HS3ST5: variants seen among roughly 807,000 people sequenced by gnomAD.
HS3ST5 encodes the protein heparan sulfate-glucosamine 3-sulfotransferase 5.
HS3ST5 carries 10 observed loss-of-function variants against 25.4 expected under a neutral mutation model. The ratio of observed to expected loss-of-function variants is 0.39; its 90% CI spans 0.24 to 0.67. The LOEUF (loss-of-function observed/expected upper bound fraction) is 0.67, where lower values mean the gene tolerates loss of function less well. Among genes scored for constraint, HS3ST5 ranks in the 30% least tolerant of loss-of-function variants. The pLI, the probability that HS3ST5 is intolerant of heterozygous loss-of-function variation, is 0.44. For missense variants in HS3ST5, 324 were observed against 420.7 expected (o/e 0.77, Z 2.01); for synonymous variants, 170 against 162.4 (o/e 1.05, Z -0.36).
chr6:114,304,419 G>A (rs1019804214), intron 1 of HS3ST5, among the ~76,000 whole-genome samples: 3 of 152,078 alleles, frequency 2.0e-5, no homozygotes, highest in Admixed American at 1.3e-4. Flanking sequence ...TAAGTGCTGT[G>A]ATTCTAGAAC....
intron 3 of HS3ST5, among the ~76,000 whole-genome samples, chr6:114,163,706 A>G (rs1779080030): frequency 6.6e-6 from 1 of 152,188 alleles, no homozygotes; most frequent in African/African-American, 2.4e-5. Flanking sequence ...AAGGTCTCTA[A>G]GGCAGCTAAC....
intron 1 of HS3ST5, among the ~76,000 whole-genome samples, chr6:114,254,351 T>C (rs183603758): frequency 6.3e-4 from 96 of 152,368 alleles, no homozygotes; most frequent in Middle Eastern, 3.4e-3. Context: ...ATAGTATTAA[T>C]ATAATCTGTT....
chr6:114,243,660 A>T (rs1297982364), intron 1 of HS3ST5, among the ~76,000 whole-genome samples: 1 of 152,198 alleles, frequency 6.6e-6, no homozygotes. Flanking sequence ...CTGTTGACAT[A>T]TGTCCCCAAT....
chr6:114,306,256 T>TATATATGG (rs756494412), intron 1 of HS3ST5, among the ~76,000 whole-genome samples: 2 of 115,406 alleles, frequency 1.7e-5, no homozygotes, highest in Admixed American at 1.9e-4. Context: ...TATATATATA[T>TATATATGG]ACACACACAC....
At chr6:114,143,363 G>A (rs755264281) in intron 3 of HS3ST5, among the ~76,000 whole-genome samples, 4 of 152,130 alleles carry the variant, frequency 2.6e-5, no homozygotes, top group Non-Finnish European at 4.4e-5. Context: ...CACATATGTC[G>A]TGTTCAGTGG....
intron 1 of HS3ST5, among the ~76,000 whole-genome samples, chr6:114,304,099 G>A (rs954387595): frequency 6.6e-6 from 1 of 152,034 alleles, no homozygotes; most frequent in African/African-American, 2.4e-5. Flanking sequence ...GATGTCAGAA[G>A]TATTTCTGAC....
At chr6:114,215,378 G>T (rs1192528884) in intron 2 of HS3ST5, among the ~76,000 whole-genome samples, 1 of 152,020 alleles carries the variant, frequency 6.6e-6, no homozygotes, top group Non-Finnish European at 1.5e-5. Flanking sequence ...TTCTTGCATG[G>T]GACCCCGAAC....
chr6:114,287,126 T>G (rs1404623501), intron 1 of HS3ST5, among the ~76,000 whole-genome samples: 1 of 151,888 alleles, frequency 6.6e-6, no homozygotes, highest in Non-Finnish European at 1.5e-5. Context: ...ATACAGACAA[T>G]TATAAATAAG....
chr6:114,172,235 A>G (rs1462234550), intron 2 of HS3ST5, among the ~76,000 whole-genome samples: 1 of 152,156 alleles, frequency 6.6e-6, no homozygotes. Flanking sequence ...TTTAAGCTAC[A>G]CTGTATCTCA....
At chr6:114,245,884 C>T (rs1293038258) in intron 1 of HS3ST5, among the ~76,000 whole-genome samples, 2 of 152,118 alleles carry the variant, frequency 1.3e-5, no homozygotes, top group Non-Finnish European at 2.9e-5. Flanking sequence ...AAAACTAGTG[C>T]CAAATCTTCT....
chr6:114,265,753 T>C (rs530777988), intron 1 of HS3ST5, among the ~76,000 whole-genome samples: 62 of 152,310 alleles, frequency 4.1e-4, no homozygotes, highest in Middle Eastern at 3.4e-3. Context: ...TTCCCTCTAC[T>C]CCTTGACTTC....
At chr6:114,169,971 A>G (rs1338314402) in intron 2 of HS3ST5, among the ~76,000 whole-genome samples, 1 of 152,188 alleles carries the variant, frequency 6.6e-6, no homozygotes, top group Non-Finnish European at 1.5e-5. Flanking sequence ...TAATTCTAGA[A>G]TACAGGAAAG....
At chr6:114,332,220 ATAGG>A (rs1776428976) in intron 1 of HS3ST5, among the ~76,000 whole-genome samples, 3 of 152,236 alleles carry the variant, frequency 2.0e-5, no homozygotes, top group South Asian at 4.1e-4. Flanking sequence ...CTAGAGAAAA[ATAGG>A]TAGTAGGGGG....
chr6:114,187,057 GATCACTGCTCATTGATAATACACCT>G (rs1356398377), intron 2 of HS3ST5, among the ~76,000 whole-genome samples: 12 of 152,126 alleles, frequency 7.9e-5, no homozygotes, highest in African/African-American at 2.9e-4. Context: ...CCTTCCAAAA[GATCACTGCTCATTGATAATACACCT>G]AGTCACCCAA....
chr6:114,073,590 T>A (rs1207256104), intron 3 of HS3ST5, among the ~76,000 whole-genome samples: 1 of 152,122 alleles, frequency 6.6e-6, no homozygotes, highest in Non-Finnish European at 1.5e-5. Context: ...TACAATGAGA[T>A]ACCATCTCAC....
chr6:114,328,444 G>A (rs1217860693), intron 1 of HS3ST5, among the ~76,000 whole-genome samples: 1 of 151,984 alleles, frequency 6.6e-6, no homozygotes, highest in Non-Finnish European at 1.5e-5. Context: ...GGAACCAATG[G>A]CTGGCACTAG....
At chr6:114,306,579 A>T (rs1413179246) in intron 1 of HS3ST5, among the ~76,000 whole-genome samples, 2 of 152,040 alleles carry the variant, frequency 1.3e-5, no homozygotes, top group Non-Finnish European at 2.9e-5. Context: ...AGTGTTATAC[A>T]TCAATGCAAT....
intron 1 of HS3ST5, among the ~76,000 whole-genome samples, chr6:114,255,088 A>C (rs879883016): frequency 3.3e-5 from 5 of 152,216 alleles, no homozygotes; most frequent in Non-Finnish European, 4.4e-5. Context: ...AGCCTGTAAA[A>C]TCAAAAGCAA....
intron 3 of HS3ST5, among the ~76,000 whole-genome samples, chr6:114,165,040 G>A (rs753553148): frequency 1.3e-5 from 2 of 152,146 alleles, no homozygotes; most frequent in African/African-American, 2.4e-5. Context: ...ATCCCATTGA[G>A]GTTCCTGGGG....
Sources: gnomAD v4.1 joint callset for allele counts (sites outside exome capture counted in the v4.1 genomes callset) on GRCh38, gnomAD v4.1.1 for gene constraint, MANE v1.5 for transcripts, NCBI Gene and HGNC (gene_info 2026-07-23, HGNC 2026-07-21) for gene names.